Variants in MAGI1 observed in about 807,000 individuals in gnomAD.
The protein encoded by MAGI1 is membrane associated guanylate kinase, WW and PDZ domain containing 1, also known as membrane-associated guanylate kinase, WW and PDZ domain-containing protein 1.
Under a neutral mutation model 139.9 loss-of-function variants are expected in MAGI1, and 58 were observed. The observed-to-expected ratio is 0.41, with a 90% CI of 0.34 to 0.52. MAGI1 has a LOEUF of 0.52. Among genes scored for constraint, MAGI1 ranks in the 20% least tolerant of loss-of-function variants. MAGI1 has a pLI of 0.12. For missense variants in MAGI1, 1,874 were observed against 1,901.6 expected (o/e 0.99, Z 0.27); for synonymous variants, 812 against 737.9 (o/e 1.10, Z -1.63).
At chr3:65,658,976 C>T (rs1576628344) in intron 1 of MAGI1, among the ~76,000 whole-genome samples, 1 of 152,304 alleles carries the variant, frequency 6.6e-6, no homozygotes, top group East Asian at 1.9e-4. Flanking sequence ...ACAGTTGCTT[C>T]CTTTTTATGC....
chr3:65,491,597 CAA>C (rs1271118094), intron 3 of MAGI1, among the ~76,000 whole-genome samples: 7 of 152,066 alleles, frequency 4.6e-5, no homozygotes, highest in Admixed American at 6.5e-5. Flanking sequence ...CTCTGCTAAC[CAA>C]AGAGGAGTCA....
intron 2 of MAGI1, among the ~76,000 whole-genome samples, chr3:65,592,263 G>A (rs2082002895): frequency 6.6e-6 from 1 of 152,178 alleles, no homozygotes; most frequent in Non-Finnish European, 1.5e-5. Flanking sequence ...AAAGAATAAA[G>A]TAGGCATGCA....
chr3:65,788,484 A>G lies in MAGI1; in HGVS notation c.314-166396T>C, dbSNP rs74792134. ...TATGCATTTTAGATTATTCATTTCA[A>G]GCTATTCTAGGGAACTGCTCTTGCA... On this transcript the variant is annotated intron_variant, in intron 1 of 22. Transcript: ENST00000402939. 6.2e-3 allele frequency among the ~76,000 whole-genome samples: 948 copies of G among 152,296 alleles called. 11 individuals carry two copies. Among genetic ancestry groups the G allele is most frequent in the African/African-American group, 0.021 (889 of 41,566 alleles).
intron 1 of MAGI1, among the ~76,000 whole-genome samples, chr3:65,996,229 TAAG>T (rs1394870927): frequency 6.6e-6 from 1 of 152,004 alleles, no homozygotes; most frequent in African/African-American, 2.4e-5. Flanking sequence ...CCTAGAATGT[TAAG>T]GAGGATAAAA....
At chr3:65,588,999 G>A (rs563847109) in intron 2 of MAGI1, among the ~76,000 whole-genome samples, 2 of 152,152 alleles carry the variant, frequency 1.3e-5, no homozygotes, top group East Asian at 3.9e-4. Flanking sequence ...AGTGAAACAA[G>A]AAATGTTAGC....
chr3:65,934,077 C>T (rs111291003), intron 1 of MAGI1, among the ~76,000 whole-genome samples: 8,819 of 152,048 alleles, frequency 0.058, 368 homozygotes, highest in Middle Eastern at 0.1. Flanking sequence ...GCTGAGATCG[C>T]GCCACTGCAC....
chr3:66,014,580 C>G (rs961285850), intron 1 of MAGI1, among the ~76,000 whole-genome samples: 1 of 152,062 alleles, frequency 6.6e-6, no homozygotes, highest in Admixed American at 6.5e-5. Flanking sequence ...AGAACACAGC[C>G]CCACATATAT....
intron 1 of MAGI1, among the ~76,000 whole-genome samples, chr3:65,898,929 A>AT (rs1020947818): frequency 1.3e-5 from 2 of 151,812 alleles, no homozygotes; most frequent in African/African-American, 2.4e-5. Flanking sequence ...ATTTAAAAAA[A>AT]TTTTTTTTTG....
chr3:65,984,702 ATTTTTTTTTC>A (rs1365804931), intron 1 of MAGI1, among the ~76,000 whole-genome samples: 53 of 86,434 alleles, frequency 6.1e-4, no homozygotes, highest in Admixed American at 1.1e-3. Flanking sequence ...TGCCTTGCTA[ATTTTTTTTTC>A]TTTTTTTTTT....
At chr3:65,416,994 C>T (rs1463861194) in intron 12 of MAGI1, among the ~76,000 whole-genome samples, 1 of 152,142 alleles carries the variant, frequency 6.6e-6, no homozygotes, top group Non-Finnish European at 1.5e-5. Context: ...CGTGTGATTT[C>T]ATTTGAGGGA....
chr3:65,936,481 T>C (rs527885873), intron 1 of MAGI1, among the ~76,000 whole-genome samples: 1 of 151,158 alleles, frequency 6.6e-6, no homozygotes, highest in East Asian at 2.0e-4. Context: ...CTACTAAAAA[T>C]ACAAAAATTA....
chr3:65,935,449 T>C (rs995701458), intron 1 of MAGI1, among the ~76,000 whole-genome samples: 2 of 152,076 alleles, frequency 1.3e-5, no homozygotes, highest in Non-Finnish European at 1.5e-5. Context: ...TGAGAACCCA[T>C]CTCTACCAAA....
At chr3:65,707,836 G>T (rs1386688065) in intron 1 of MAGI1, among the ~76,000 whole-genome samples, 1 of 151,846 alleles carries the variant, frequency 6.6e-6, no homozygotes, top group Non-Finnish European at 1.5e-5. Flanking sequence ...AAACTATATT[G>T]ATAGCTGAAC....
At chr3:65,657,433 CAA>C (rs34377694) in intron 1 of MAGI1, among the ~76,000 whole-genome samples, 20,211 of 134,828 alleles carry the variant, frequency 0.15, 1,640 homozygotes, top group East Asian at 0.36. Flanking sequence ...CCATCTCTAT[CAA>C]AAAAAAAAAA....
intron 1 of MAGI1, among the ~76,000 whole-genome samples, chr3:65,675,451 A>G (rs1158152540): frequency 6.6e-6 from 1 of 152,244 alleles, no homozygotes; most frequent in Non-Finnish European, 1.5e-5. Context: ...TGAAAGTTTT[A>G]TTAATAGTAC....
intron 1 of MAGI1, among the ~76,000 whole-genome samples, chr3:66,007,386 C>A (rs1197852266): frequency 6.6e-6 from 1 of 152,120 alleles, no homozygotes; most frequent in African/African-American, 2.4e-5. Flanking sequence ...AATTAGGAAG[C>A]CAAAAAGCAG....
chr3:65,436,334 A>G (rs1399198538), intron 10 of MAGI1, among the ~76,000 whole-genome samples: 1 of 152,164 alleles, frequency 6.6e-6, no homozygotes, highest in Non-Finnish European at 1.5e-5. Context: ...AACTCTGTCA[A>G]ACATGATGCT....
At chr3:65,955,945 G>T (rs1335721304) in intron 1 of MAGI1, among the ~76,000 whole-genome samples, 1 of 152,066 alleles carries the variant, frequency 6.6e-6, no homozygotes, top group African/African-American at 2.4e-5. Flanking sequence ...AGCTGAAGAT[G>T]ATTTCCTTCT....
intron 1 of MAGI1, among the ~76,000 whole-genome samples, chr3:65,783,803 CAAAA>C (rs71102879): frequency 6.2e-5 from 8 of 129,790 alleles, no homozygotes; most frequent in African/African-American, 1.7e-4. Context: ...CAGCCTGTAC[CAAAA>C]AAAAAAAAAA....
Sources: gnomAD v4.1 joint callset for allele counts (sites outside exome capture counted in the v4.1 genomes callset) on GRCh38, gnomAD v4.1.1 for gene constraint, MANE v1.5 for transcripts, NCBI Gene and HGNC (gene_info 2026-07-23, HGNC 2026-07-21) for gene names.